The following TRAF3IP3 variants were observed in gnomAD, a reference collection of about 807,000 sequenced individuals.
TRAF3IP3 encodes TRAF3-interacting JNK-activating modulator.
In TRAF3IP3, 64 loss-of-function variants were observed where a neutral mutation model predicts 86.5. The ratio of observed to expected loss-of-function variants is 0.74; its 90% CI spans 0.60 to 0.91. TRAF3IP3 has a LOEUF of 0.91. Among genes scored for constraint, TRAF3IP3 ranks in the 40% least tolerant of loss-of-function variants. The probability of loss-of-function intolerance (pLI) is 0.00; values close to 1 mark genes in which losing one functional copy is unlikely to be tolerated. For missense variants in TRAF3IP3, 579 were observed against 642.9 expected (o/e 0.90, Z 1.07); for synonymous variants, 220 against 243.9 (o/e 0.90, Z 0.91).
Position 209,775,504 on chromosome 1 carries a change from CAT to C in TRAF3IP3, c.915+17_915+18del. 1 of 1,614,214 alleles carries C rather than the reference CAT, an allele frequency of 6.2e-7. No homozygotes were observed. On this transcript the variant is annotated intron_variant, in intron 10 of 16. Coordinates refer to ENST00000367025, the MANE Select transcript of TRAF3IP3 (RefSeq NM_025228.4). Reference sequence around the variant, plus strand: ...AGAGCACACAGGTATGGGGATGCCACATAGACATGGGGCTGGGGACTCCAGGC... The same window carrying C: ...AGAGCACACAGGTATGGGGATGCCACAGACATGGGGCTGGGGACTCCAGGC...
chr1:209,767,027 G>T (rs1327766203), intron 8 of TRAF3IP3, among the ~76,000 whole-genome samples: 3 of 152,214 alleles, frequency 2.0e-5, no homozygotes, highest in Admixed American at 2.0e-4. Flanking sequence ...GTATGGCAAA[G>T]AATTGGGTAT....
intron 8 of TRAF3IP3, chr1:209,768,626 A>G: frequency 1.0e-6 from 1 of 985,864 alleles, no homozygotes; most frequent in Non-Finnish European, 1.2e-6. Flanking sequence ...AAAACCACGC[A>G]GAAGCAGGAG....
rs958816966 is a variant in TRAF3IP3, at chr1:209,760,384, G to C, written c.345G>C (p.Gln115His). Residue 115 changes from glutamine (Q) to histidine (H), a missense_variant and splice_region_variant, in exon 3 of 17, where the codon CAG (glutamine) becomes CAC (histidine). Coordinates refer to ENST00000367025, the MANE Select transcript of TRAF3IP3 (RefSeq NM_025228.4). ...GAAGGATTTCTTCTCCCAGAGAGCA[G>C]GTGGGCCGTGTCAAGGGACATACTG... is the stretch of plus-strand genomic sequence containing the variant. ...CARRISSPREQVTGTSSEVFP... is the reference protein window; with the variant it reads ...CARRISSPREHVTGTSSEVFP... 1.3e-6 allele frequency: 2 copies of C among 1,581,524 alleles called. No individual in the cohort carries two copies. The highest frequency in any genetic ancestry group is 1.7e-6 in the Non-Finnish European group (2 of 1,163,542).
intron 8 of TRAF3IP3, among the ~76,000 whole-genome samples, chr1:209,767,014 T>C (rs1402619799): frequency 1.3e-5 from 2 of 152,142 alleles, no homozygotes; most frequent in African/African-American, 4.8e-5. Context: ...ATTACAGGCC[T>C]ATGTATGGCA....
chr1:209,780,584 A>G lies in TRAF3IP3; in HGVS notation c.1427A>G (p.Gln476Arg). 6.3e-7 allele frequency: 1 copy of G among 1,594,062 alleles called. No individual in the cohort carries two copies. Among genetic ancestry groups the G allele is most frequent in the Non-Finnish European group, 8.6e-7 (1 of 1,168,516 alleles). The part of the protein sequence containing the change: ...LRDQLQKKTL[Q>R]LQAKEKECRE... ...GACCAGCTGCAAAAGAAGACTTTGC[A>G]GCTCCAGGCCAAGGAAAAGGAGGTG... is the stretch of plus-strand genomic sequence containing the variant. The change falls in exon 15 of 17, where the codon CAG becomes CGG. Residue 476 changes from glutamine (Q) to arginine (R), a missense_variant. Coordinates refer to ENST00000367025, the MANE Select transcript of TRAF3IP3 (RefSeq NM_025228.4).
chr1:209,777,190 A>G, intron 11 of TRAF3IP3, 162 bp from the exon 12 acceptor site: 1 of 543,682 alleles, frequency 1.8e-6, no homozygotes, highest in Non-Finnish European at 3.1e-6. Flanking sequence ...AAGGGAAGAA[A>G]TAGGAAAAAA....
At position 209,778,168 on chromosome 1, in the gene TRAF3IP3, T is replaced by C; in HGVS notation, c.1247T>C (p.Leu416Ser). 6.2e-7 allele frequency: 1 copy of C among 1,613,966 alleles called. No individual in the cohort carries two copies. Among genetic ancestry groups the C allele is most frequent in the Non-Finnish European group, 8.5e-7 (1 of 1,179,864 alleles). Residue 416 changes from leucine to serine, a missense_variant, in exon 13 of 17, where the codon TTG (leucine) becomes TCG (serine). Transcript: ENST00000367025. ...ACCCTGGTGACCAGAGTACAGCAGT[T>C]GCAGGGTAAGTTCGCTTTCCAGATT... ...KLTLVTRVQQ[L>S]QGLLQNQSLQ...
intron 8 of TRAF3IP3, among the ~76,000 whole-genome samples, chr1:209,770,711 G>GCT (rs1571937543): frequency 7.6e-5 from 11 of 144,586 alleles, no homozygotes; most frequent in East Asian, 4.3e-4. Context: ...GTGTGTGTGT[G>GCT]CAGGTGGAGG....
chr1:209,766,693 G>C, intron 8 of TRAF3IP3, among the ~76,000 whole-genome samples: 1 of 152,084 alleles, frequency 6.6e-6, no homozygotes. Context: ...GCGAAAACCC[G>C]TCTCTACTAA....
rs144054907 is a variant in TRAF3IP3 at position 209,782,139 on chromosome 1, G to A, written c.1647G>A (p.Leu549=). ...LAVFLANKDN[L]MI is the part of the protein sequence containing the mutation. ...TGTTCCTGGCCAATAAAGACAACCT[G>A]ATGATCTGAATAATTTGTGACAACT... is the stretch of plus-strand genomic sequence containing the variant. The change falls in exon 17 of 17, where the codon CTG becomes CTA. Residue 549 remains leucine (L), a synonymous_variant. Transcript: ENST00000367025. 30 of 1,613,698 alleles carry A rather than the reference G, an allele frequency of 1.9e-5. No homozygotes were observed. The African/African-American group carries it at 3.6e-4, about 19-fold the overall frequency.
chr1:209,775,298 T>C, intron 9 of TRAF3IP3, 51 bp from the exon 10 acceptor site: 1 of 1,536,264 alleles, frequency 6.5e-7, no homozygotes, highest in Non-Finnish European at 8.9e-7. Flanking sequence ...AGCTCAGGAT[T>C]TGGCACACAG....
At chr1:209,774,952 G>T (rs1226560895) in intron 9 of TRAF3IP3, among the ~76,000 whole-genome samples, 1 of 152,136 alleles carries the variant, frequency 6.6e-6, no homozygotes, top group African/African-American at 2.4e-5. Context: ...GATTAGAGGG[G>T]GAGGAAGTGA....
intron 8 of TRAF3IP3, among the ~76,000 whole-genome samples, chr1:209,763,818 C>T (rs57756261): frequency 0.11 from 16,057 of 152,150 alleles, 2,145 homozygotes; most frequent in African/African-American, 0.31. Flanking sequence ...AAGGAAGACC[C>T]AGAAACAAAA....
rs1484850550 is a variant in TRAF3IP3 at position 209,760,186 on chromosome 1, G to A, written c.147G>A (p.Leu49=). Residue 49 remains leucine, a synonymous_variant, in exon 3 of 17, where the codon CTG becomes CTA. Transcript: ENST00000367025. ...CTTGCCGCCAGGTGGGGAAGACGCT[G>A]AGGATCCAACAGAGAGAGCAGCTCC... is the stretch of plus-strand genomic sequence containing the variant. ...VTTCRQVGKT[L]RIQQREQLQR... is the part of the protein sequence containing the mutation. 2 of 1,614,248 alleles carry A rather than the reference G, an allele frequency of 1.2e-6. No individual in the cohort carries two copies. Among genetic ancestry groups the A allele is most frequent in the Non-Finnish European group, 1.7e-6 (2 of 1,180,040 alleles).
chr1:209,761,928 C>T (rs954002249), intron 3 of TRAF3IP3, among the ~76,000 whole-genome samples: 5 of 152,228 alleles, frequency 3.3e-5, no homozygotes, highest in Non-Finnish European at 5.9e-5. Flanking sequence ...GAGAAAAGTA[C>T]AGCTCCACAT....
rs77130935 is a variant in TRAF3IP3, at chr1:209,762,937, C to T, written c.551+67C>T. On this transcript the variant is annotated intron_variant, in intron 5 of 16. Transcript: ENST00000367025. Reference sequence around the variant, plus strand: ...TCTCTAGAGAGAACACAATGAATTTCCATGTCCGCCTTAATTAAGAAAGAG... The same window carrying T: ...TCTCTAGAGAGAACACAATGAATTTTCATGTCCGCCTTAATTAAGAAAGAG... 1.2e-3 allele frequency: 1,871 copies of T among 1,607,764 alleles called. 22 individuals carry two copies. In the African/African-American group the frequency reaches 0.023, roughly 20 times the overall value.
chr1:209,758,331 T>G (rs1290206816), intron 1 of TRAF3IP3, among the ~76,000 whole-genome samples: 2 of 152,176 alleles, frequency 1.3e-5, no homozygotes, highest in African/African-American at 4.8e-5. Flanking sequence ...CATTTCTGCT[T>G]GGAATCAATG....
chr1:209,780,347 T>A, intron 14 of TRAF3IP3, 123 bp from the exon 15 acceptor site: 1 of 878,396 alleles, frequency 1.1e-6, no homozygotes, highest in Non-Finnish European at 1.6e-6. Flanking sequence ...ATGCCATCAG[T>A]CTAGCCAAGA....
intron 8 of TRAF3IP3, among the ~76,000 whole-genome samples, chr1:209,771,976 G>GA (rs2102488687): frequency 6.8e-6 from 1 of 147,196 alleles, no homozygotes; most frequent in East Asian, 2.0e-4. Flanking sequence ...TGTGCAGGTG[G>GA]AGGTACGTGT....
Sources: gnomAD v4.1 joint callset for allele counts (sites outside exome capture counted in the v4.1 genomes callset) on GRCh38, gnomAD v4.1.1 for gene constraint, MANE v1.5 for transcripts, NCBI Gene and HGNC (gene_info 2026-07-23, HGNC 2026-07-21) for gene names.